Variants in SOX5 observed in about 807,000 individuals in gnomAD.
The protein encoded by SOX5 is transcription factor SOX-5.
SOX5 carries 9 observed loss-of-function variants against 92.0 expected under a neutral mutation model. That is an observed-to-expected ratio of 0.10 (90% CI 0.06 to 0.17). The LOEUF (loss-of-function observed/expected upper bound fraction) is 0.17, where lower values mean the gene tolerates loss of function less well. Among genes scored for constraint, SOX5 ranks in the 10% least tolerant of loss-of-function variants. The probability of loss-of-function intolerance (pLI) is 1.00; values close to 1 mark genes in which losing one functional copy is unlikely to be tolerated. For missense variants in SOX5, 642 were observed against 944.5 expected (o/e 0.68, Z 4.20); for synonymous variants, 344 against 336.3 (o/e 1.02, Z -0.25).
intron 2 of SOX5, among the ~76,000 whole-genome samples, chr12:23,860,696 G>GA (rs1288314940): frequency 1.3e-5 from 2 of 152,070 alleles, no homozygotes; most frequent in African/African-American, 4.8e-5. Context: ...AAAGGCAGGT[G>GA]AAAAAATAAA....
At chr12:24,211,074 G>A (rs1958559651) in intron 4 of SOX5, among the ~76,000 whole-genome samples, 1 of 152,100 alleles carries the variant, frequency 6.6e-6, no homozygotes, top group African/African-American at 2.4e-5. Context: ...TCTCTCACTT[G>A]TCTGCTCCTG....
chr12:24,117,172 A>G (rs574047500), intron 4 of SOX5, among the ~76,000 whole-genome samples: 1 of 152,326 alleles, frequency 6.6e-6, no homozygotes, highest in African/African-American at 2.4e-5. Context: ...GACATTTCTC[A>G]AAAGAAGAGA....
At chr12:24,396,055 A>T (rs949379145) in intron 1 of SOX5, among the ~76,000 whole-genome samples, 1 of 152,264 alleles carries the variant, frequency 6.6e-6, no homozygotes, top group Admixed American at 6.5e-5. Context: ...CTCTCGTGTC[A>T]CATAAGTTGG....
chr12:24,205,610 A>T (rs1476207242), intron 4 of SOX5, among the ~76,000 whole-genome samples: 1 of 152,176 alleles, frequency 6.6e-6, no homozygotes, highest in African/African-American at 2.4e-5. Context: ...ATTGCATCCC[A>T]CTTAGATAAG....
At chr12:23,579,536 G>C (rs183513691) in intron 9 of SOX5, among the ~76,000 whole-genome samples, 3 of 152,094 alleles carry the variant, frequency 2.0e-5, no homozygotes, top group East Asian at 3.9e-4. Flanking sequence ...AATTACACTA[G>C]TTTCCCATTT....
At chr12:24,095,864 C>T (rs1945344003) in intron 4 of SOX5, among the ~76,000 whole-genome samples, 1 of 152,158 alleles carries the variant, frequency 6.6e-6, no homozygotes, top group South Asian at 2.1e-4. Context: ...CTTGCTTCCT[C>T]TTCACTTTCT....
chr12:24,548,925 T>C (rs1028090611), intron 1 of SOX5, among the ~76,000 whole-genome samples: 2 of 152,226 alleles, frequency 1.3e-5, no homozygotes, highest in Non-Finnish European at 2.9e-5. Flanking sequence ...CTCTGTAACA[T>C]AGCTGAAAAA....
intron 1 of SOX5, among the ~76,000 whole-genome samples, chr12:23,942,471 T>C (rs373930788): frequency 4.6e-5 from 7 of 152,046 alleles, no homozygotes; most frequent in Middle Eastern, 3.4e-3. Flanking sequence ...TGGGTCTACC[T>C]CTTGTTTTAC....
intron 9 of SOX5, among the ~76,000 whole-genome samples, chr12:23,602,284 T>C (rs865792053): frequency 1.3e-5 from 2 of 152,312 alleles, no homozygotes; most frequent in Non-Finnish European, 2.9e-5. Flanking sequence ...TGAGGTTCTA[T>C]GAATGTATAG....
intron 6 of SOX5, among the ~76,000 whole-genome samples, chr12:23,680,325 C>CA (rs57754255): frequency 0.24 from 11,564 of 48,252 alleles, 1,821 homozygotes; most frequent in East Asian, 0.5. Flanking sequence ...GACCTTGTCT[C>CA]AAAAAAAAAA....
At chr12:24,453,499 T>A (rs1431624765) in intron 1 of SOX5, among the ~76,000 whole-genome samples, 3 of 152,220 alleles carry the variant, frequency 2.0e-5, no homozygotes, top group Non-Finnish European at 2.9e-5. Context: ...TGCTTAACTA[T>A]CCTTAAATTG....
At chr12:24,344,580 T>G (rs899918484) in intron 2 of SOX5, among the ~76,000 whole-genome samples, 51 of 152,122 alleles carry the variant, frequency 3.4e-4, no homozygotes, top group Non-Finnish European at 2.9e-4. Context: ...CAGAAGAGTC[T>G]AAATCTTTTT....
intron 1 of SOX5, among the ~76,000 whole-genome samples, chr12:24,373,997 T>G (rs2136288396): frequency 6.6e-6 from 1 of 152,244 alleles, no homozygotes; most frequent in African/African-American, 2.4e-5. Flanking sequence ...TAAAAAGCAG[T>G]GAAGATCTCC....
chr12:23,900,503 C>A (rs1161497872), intron 1 of SOX5, among the ~76,000 whole-genome samples: 1 of 152,072 alleles, frequency 6.6e-6, no homozygotes, highest in African/African-American at 2.4e-5. Context: ...GGTTCTAAAC[C>A]TTTGCCTGCA....
At chr12:23,680,325 C>CAAAAAAAAAAAAAAA (rs57754255) in intron 6 of SOX5, among the ~76,000 whole-genome samples, 22 of 48,388 alleles carry the variant, frequency 4.5e-4, no homozygotes, top group African/African-American at 7.1e-4. Context: ...GACCTTGTCT[C>CAAAAAAAAAAAAAAA]AAAAAAAAAA....
intron 8 of SOX5, among the ~76,000 whole-genome samples, chr12:23,605,932 G>T (rs1226088847): frequency 6.6e-6 from 1 of 151,898 alleles, no homozygotes; most frequent in Non-Finnish European, 1.5e-5. Context: ...TCTCATAAGG[G>T]TTTTATGTGT....
intron 4 of SOX5, among the ~76,000 whole-genome samples, chr12:24,131,769 T>C (rs1462300281): frequency 1.3e-5 from 2 of 152,120 alleles, no homozygotes; most frequent in African/African-American, 4.8e-5. Context: ...GTAGGCTATG[T>C]GCAAAAAAGA....
At chr12:24,447,608 C>T (rs1941675777) in intron 1 of SOX5, among the ~76,000 whole-genome samples, 1 of 152,020 alleles carries the variant, frequency 6.6e-6, no homozygotes, top group Non-Finnish European at 1.5e-5. Flanking sequence ...TTTGTTGTGC[C>T]AAACAAACTA....
rs1204739780 is a variant in SOX5, at chr12:24,266,035, TGTGTGTG to T, written c.-77+11174_-77+11180del. Among the ~76,000 whole-genome samples the T allele has an allele frequency of 5.2e-3, 4 of 768 alleles. No individual in the cohort carries two copies. The South Asian group carries it at 0.08, about 15-fold the overall frequency. The allele number at this position is 768 out of a possible 152,430, so 0.5% of individuals were successfully genotyped here. On this transcript the variant is annotated intron_variant, in intron 3 of 4. Transcript: ENST00000446891. Reference sequence around the variant, plus strand: ...AGGTGTATGCCATCATGCCAGCTAATGTGTGTGTGTGTGTGTGTGTGTGTGTGTGTGT... The same window carrying T: ...AGGTGTATGCCATCATGCCAGCTAATTGTGTGTGTGTGTGTGTGTGTGTGT...
Sources: gnomAD v4.1 joint callset for allele counts (sites outside exome capture counted in the v4.1 genomes callset) on GRCh38, gnomAD v4.1.1 for gene constraint, MANE v1.5 for transcripts, NCBI Gene and HGNC (gene_info 2026-07-23, HGNC 2026-07-21) for gene names.